PAG1: variants seen among roughly 807,000 people sequenced by gnomAD.
PAG1 encodes phosphoprotein membrane anchor with glycosphingolipid microdomains 1.
A neutral mutation model predicts 31.7 loss-of-function variants in PAG1; 23 were observed. That is an observed-to-expected ratio of 0.73 (90% CI 0.52 to 1.03). The LOEUF is 1.03. PAG1 is among the 50% of genes least tolerant of loss of function. The probability of loss-of-function intolerance (pLI) is 0.00; values close to 1 mark genes in which losing one functional copy is unlikely to be tolerated. For synonymous variants in PAG1, 214 were observed against 210.3 expected (o/e 1.02, Z -0.15); for missense variants, 473 against 540.7 (o/e 0.87, Z 1.24).
chr8:81,020,822 A>G (rs1808151655), intron 3 of PAG1, among the ~76,000 whole-genome samples: 1 of 152,212 alleles, frequency 6.6e-6, no homozygotes, highest in Admixed American at 6.5e-5. Flanking sequence ...AATTGCTTTA[A>G]TGCCAAAATT....
intron 1 of PAG1, among the ~76,000 whole-genome samples, chr8:81,074,994 A>G (rs1023072611): frequency 2.0e-5 from 3 of 152,138 alleles, no homozygotes; most frequent in African/African-American, 7.2e-5. Flanking sequence ...TTCCCAAAGA[A>G]CGCTGCCCCT....
In PAG1 at chr8:80,993,304, T is replaced by G; in HGVS notation, c.-77A>C. The G allele has an allele frequency of 1.4e-6, 2 of 1,444,454 alleles. No individual in the cohort carries two copies. Among genetic ancestry groups the G allele is most frequent in the Non-Finnish European group, 1.9e-6 (2 of 1,068,588 alleles). 89.5% of individuals were successfully genotyped at this position (1,444,454 alleles called of 1,614,324 possible). ...GTGGTGACATGGAGGCAGAGAGCTGTGTCCTGCAAAGAGACCAGTGCGTTT... is the reference window on the plus strand; with the variant it reads ...GTGGTGACATGGAGGCAGAGAGCTGGGTCCTGCAAAGAGACCAGTGCGTTT... On this transcript the variant is annotated 5_prime_UTR_variant, in exon 4 of 9. Transcript: ENST00000220597.
intron 5 of PAG1, 58 bp from the exon 6 acceptor site, chr8:80,987,524 C>A: frequency 8.4e-7 from 1 of 1,191,574 alleles, no homozygotes. Flanking sequence ...ATCTGGACTG[C>A]AGAGCAGAGG....
chr8:81,050,476 T>C (rs1808710661), intron 2 of PAG1, among the ~76,000 whole-genome samples: 2 of 152,178 alleles, frequency 1.3e-5, no homozygotes, highest in African/African-American at 2.4e-5. Flanking sequence ...CAGCACCATG[T>C]TGCAGTTCTC....
chr8:81,008,140 A>G (rs1213142479), intron 3 of PAG1, among the ~76,000 whole-genome samples: 1 of 152,228 alleles, frequency 6.6e-6, no homozygotes, highest in Non-Finnish European at 1.5e-5. Flanking sequence ...ATTATTTCTA[A>G]CAGTTACGTG....
At position 81,097,255 on chromosome 8, in the gene PAG1, G is replaced by T. The variant is rs984959176; in HGVS notation, c.-234+14336C>A. Among the ~76,000 whole-genome samples, 3 of 152,156 alleles carry T rather than the reference G, an allele frequency of 2.0e-5. No individual in the cohort carries two copies. In the South Asian group the frequency reaches 6.2e-4, roughly 32 times the overall value. On this transcript the variant is annotated intron_variant, in intron 1 of 8. Transcript: ENST00000220597. ...AGGTGATGTTAATCACAGCCAACAT[G>T]GAGAACCACCCTCTAAAAAGCATCA...
At chr8:81,058,293 A>G (rs934837779) in intron 2 of PAG1, among the ~76,000 whole-genome samples, 1 of 152,234 alleles carries the variant, frequency 6.6e-6, no homozygotes, top group South Asian at 2.1e-4. Context: ...GCAGGTTTCA[A>G]TGTGTGTACA....
chr8:81,004,317 A>G (rs552200050), intron 3 of PAG1, among the ~76,000 whole-genome samples: 1 of 152,308 alleles, frequency 6.6e-6, no homozygotes, highest in South Asian at 2.1e-4. Context: ...TCCATATGTG[A>G]TAAGAGATTC....
At chr8:81,072,800 T>C (rs1300104476) in intron 1 of PAG1, among the ~76,000 whole-genome samples, 2 of 152,174 alleles carry the variant, frequency 1.3e-5, no homozygotes, top group South Asian at 2.1e-4. Flanking sequence ...GGAAAGGGCA[T>C]AGATGAGGGA....
At chr8:80,993,061 T>C (rs1455807116) in intron 4 of PAG1, 42 bp downstream of exon 4, 4 of 1,546,824 alleles carry the variant, frequency 2.6e-6, no homozygotes, top group South Asian at 2.4e-5. Context: ...GTACAGGGGA[T>C]GTATTAGTTT....
Position 80,987,389 on chromosome 8 carries a change from C to A in PAG1, c.255G>T (p.Gly85=). The change falls in exon 6 of 9, where the codon GGG becomes GGT. Residue 85 remains glycine, a synonymous_variant. Transcript: ENST00000220597. ...TDAPASSEQN[G]ALTNGDILSE... The stretch of plus-strand genomic sequence containing the variant: ...ACTTACTGTCCCCATTGGTGAGTGC[C>A]CCATTCTGCTCACTGCTGGCAGGAG... 2 of 1,611,902 alleles carry A rather than the reference C, an allele frequency of 1.2e-6. No individual in the cohort carries two copies. Among genetic ancestry groups the A allele is most frequent in the South Asian group, 1.1e-5 (1 of 91,030 alleles).
At chr8:81,077,089 GC>G (rs1455577961) in intron 1 of PAG1, among the ~76,000 whole-genome samples, 2 of 152,218 alleles carry the variant, frequency 1.3e-5, no homozygotes, top group Non-Finnish European at 2.9e-5. Context: ...TGCAGAGCTT[GC>G]TAAACAGTGT....
At chr8:80,994,108 T>TCCACTGCCATCTCTCATCTCCCTAC (rs1187427992) in intron 3 of PAG1, among the ~76,000 whole-genome samples, 6 of 151,674 alleles carry the variant, frequency 4.0e-5, no homozygotes, top group Non-Finnish European at 7.4e-5. Context: ...ATCTCCCTAA[T>TCCACTGCCATCTCTCATCTCCCTAC]CCACTGCCAT....
chr8:81,072,097 G>A (rs546705292), intron 1 of PAG1, among the ~76,000 whole-genome samples: 4 of 152,338 alleles, frequency 2.6e-5, no homozygotes, highest in South Asian at 4.1e-4. Flanking sequence ...AAGATGTGGC[G>A]TGGGGAGAGA....
In PAG1 at chr8:80,975,090, T is replaced by G. The variant is rs2130310698; in HGVS notation, c.*1454A>C. On this transcript the variant is annotated 3_prime_UTR_variant, in exon 9 of 9. Transcript: ENST00000220597. Reference sequence around the variant, plus strand: ...AAACCTTAATGGAATTATGACACTTTTATGAGGTTTATAATTCACAGCCAC... The same window carrying G: ...AAACCTTAATGGAATTATGACACTTGTATGAGGTTTATAATTCACAGCCAC... 1 of 152,358 alleles carries G rather than the reference T, an allele frequency of 6.6e-6. No individual in the cohort carries two copies. The highest frequency in any genetic ancestry group is 2.1e-4 in the South Asian group (1 of 4,832). 9.4% of individuals were successfully genotyped at this position (152,358 alleles called of 1,614,324 possible).
At chr8:81,035,202 TAA>T (rs1306700283) in intron 2 of PAG1, among the ~76,000 whole-genome samples, 1 of 151,764 alleles carries the variant, frequency 6.6e-6, no homozygotes, top group Non-Finnish European at 1.5e-5. Flanking sequence ...CTACTCAGAG[TAA>T]GAGCCACAGT....
chr8:81,107,808 C>G (rs1809716748), intron 1 of PAG1, among the ~76,000 whole-genome samples: 1 of 152,228 alleles, frequency 6.6e-6, no homozygotes, highest in Non-Finnish European at 1.5e-5. Context: ...GGGGCTGTCT[C>G]TGCGGGGCTG....
chr8:80,989,815 G>A (rs563266371), intron 5 of PAG1, among the ~76,000 whole-genome samples: 20 of 152,190 alleles, frequency 1.3e-4, no homozygotes, highest in African/African-American at 3.9e-4. Flanking sequence ...AGGAAAATTC[G>A]CATTTCTAAG....
At chr8:81,011,931 A>G (rs1807992761) in intron 3 of PAG1, among the ~76,000 whole-genome samples, 1 of 152,210 alleles carries the variant, frequency 6.6e-6, no homozygotes, top group Non-Finnish European at 1.5e-5. Context: ...GCAGCTAGAC[A>G]TTAATGTCTG....
Sources: allele counts gnomAD v4.1 joint callset (sites outside exome capture counted in the v4.1 genomes callset), GRCh38; gene constraint gnomAD v4.1.1; transcripts MANE v1.5; gene names NCBI Gene and HGNC (gene_info 2026-07-23, HGNC 2026-07-21).